KCMF1: variants seen among roughly 807,000 people sequenced by gnomAD.
KCMF1 encodes the protein potassium channel modulatory factor 1.
Under a neutral mutation model 41.1 loss-of-function variants are expected in KCMF1, and 3 were observed. The ratio of observed to expected loss-of-function variants is 0.07; its 90% confidence interval spans 0.03 to 0.19. The LOEUF is 0.19. KCMF1 is among the 10% of genes least tolerant of loss of function. The pLI is 1.00. For synonymous variants in KCMF1, 142 were observed against 164.5 expected, an observed-to-expected ratio of 0.86 and a Z score of 1.04; for missense variants, 286 against 488.9, an observed-to-expected ratio of 0.58 and a Z score of 3.91.
intron 1 of KCMF1, among the ~76,000 whole-genome samples, chr2:84,973,825 C>CTTTTTTTTTTTTTTTTTTTTTT (rs1238178193): frequency 9.1e-4 from 100 of 110,214 alleles, no homozygotes; most frequent in Non-Finnish European, 1.2e-3. Flanking sequence ...TTATTTCTTT[C>CTTTTTTTTTTTTTTTTTTTTTT]TTTTTTTTTT....
chr2:84,973,155 G>C (rs1673446267), intron 1 of KCMF1, among the ~76,000 whole-genome samples: 1 of 152,208 alleles, frequency 6.6e-6, no homozygotes, highest in South Asian at 2.1e-4. Flanking sequence ...AACTGGGAGG[G>C]TTAGTTAGAG....
At chr2:85,036,837 T>C (rs956909615) in intron 3 of KCMF1, among the ~76,000 whole-genome samples, 6 of 148,290 alleles carry the variant, frequency 4.0e-5, no homozygotes, top group African/African-American at 1.5e-4. Flanking sequence ...TATATAAATA[T>C]ATTAATAAAT....
chr2:84,991,473 T>C (rs1219405426), intron 1 of KCMF1, among the ~76,000 whole-genome samples: 1 of 152,208 alleles, frequency 6.6e-6, no homozygotes, highest in Non-Finnish European at 1.5e-5. Context: ...TTATGTTGCC[T>C]TTCTCTCTAG....
At chr2:84,973,055 A>G (rs1673444250) in intron 1 of KCMF1, among the ~76,000 whole-genome samples, 1 of 152,240 alleles carries the variant, frequency 6.6e-6, no homozygotes, top group African/African-American at 2.4e-5. Flanking sequence ...GGGATATTAA[A>G]GTTTATCTTA....
At chr2:84,982,044 A>G (rs145636872) in intron 1 of KCMF1, among the ~76,000 whole-genome samples, 37 of 152,196 alleles carry the variant, frequency 2.4e-4, no homozygotes, top group African/African-American at 7.5e-4. Context: ...CTGCCTCCCA[A>G]TGTGCTGGGA....
At chr2:85,025,876 CAG>C (rs1447079927) in intron 1 of KCMF1, among the ~76,000 whole-genome samples, 1 of 152,170 alleles carries the variant, frequency 6.6e-6, no homozygotes, top group Non-Finnish European at 1.5e-5. Context: ...CTCTATCTAA[CAG>C]CTTTGCTTAC....
intron 4 of KCMF1, among the ~76,000 whole-genome samples, chr2:85,045,790 G>A (rs1235065903): frequency 6.6e-6 from 1 of 152,204 alleles, no homozygotes; most frequent in Non-Finnish European, 1.5e-5. Context: ...AACCTTTGAT[G>A]TGCTGAATAT....
At chr2:85,015,153 CAAAAAAAAA>C (rs34773304) in intron 1 of KCMF1, among the ~76,000 whole-genome samples, 3 of 49,038 alleles carry the variant, frequency 6.1e-5, no homozygotes, top group East Asian at 4.9e-4. Context: ...GACTCCATCT[CAAAAAAAAA>C]AAAAAAAAAA....
chr2:85,002,282 C>T (rs914110399), intron 1 of KCMF1, among the ~76,000 whole-genome samples: 1 of 152,150 alleles, frequency 6.6e-6, no homozygotes, highest in African/African-American at 2.4e-5. Context: ...ATGAAATATG[C>T]AGAAACCCTT....
chr2:85,034,587 T>A (rs747845017), intron 2 of KCMF1, among the ~76,000 whole-genome samples: 5 of 152,166 alleles, frequency 3.3e-5, no homozygotes, highest in Non-Finnish European at 7.4e-5. Context: ...CTCATGGGAA[T>A]AAGGATATTA....
rs1338958621 is a variant in KCMF1, at chr2:85,053,226, A to G, written c.963A>G (p.Gln321=). The change falls in exon 7 of 7, where the codon CAA becomes CAG. Residue 321 remains glutamine, a synonymous_variant. Transcript: ENST00000409785. ...GTGCAGACCGCAGCCTGTTTGTCCA[A>G]GAGCTCCTTCTGTCCACTTTAGTGC... The part of the protein sequence containing the change: ...SERADRSLFV[Q]ELLLSTLVRE... 3 of 1,614,052 alleles carry G rather than the reference A, an allele frequency of 1.9e-6. No individual in the cohort carries two copies. Among genetic ancestry groups the G allele is most frequent in the Non-Finnish European group, 1.7e-6 (2 of 1,179,890 alleles).
rs1422187439 is a variant in KCMF1, at chr2:85,046,206, T to A, written c.529T>A (p.Ser177Thr). Residue 177 changes from serine to threonine, a missense_variant, in exon 5 of 7, where the codon TCT (serine) becomes ACT (threonine). Physicochemically the swap from Ser to Thr is moderately conservative, Grantham distance 58. This residue lies in a region of KCMF1 where 191 missense variants were observed against 279.3 expected (regional missense o/e 0.68). Transcript: ENST00000409785. ...ATCAAACATGCACTTTACTAGCAGT[T>A]CTACTGGTGGACTTTCTTCTTCTCA... ...RRSNMHFTSS[S>T]TGGLSSSQSS... The A allele has an allele frequency of 6.2e-7, 1 of 1,613,442 alleles. No individual in the cohort carries two copies. The highest frequency in any genetic ancestry group is 8.5e-7 in the Non-Finnish European group (1 of 1,179,586).
chr2:84,995,277 C>T (rs576909067), intron 1 of KCMF1, among the ~76,000 whole-genome samples: 8 of 152,282 alleles, frequency 5.3e-5, no homozygotes, highest in Admixed American at 3.9e-4. Flanking sequence ...ACCTTGGCCT[C>T]CCAAAGTGCT....
intron 1 of KCMF1, among the ~76,000 whole-genome samples, chr2:85,010,966 C>T (rs1674637060): frequency 2.0e-5 from 3 of 151,930 alleles, no homozygotes; most frequent in African/African-American, 4.8e-5. Flanking sequence ...TCCTCAGCCT[C>T]CCGAGTAGCT....
chr2:85,009,744 G>A (rs970952418), intron 1 of KCMF1, among the ~76,000 whole-genome samples: 3 of 151,896 alleles, frequency 2.0e-5, no homozygotes, highest in Non-Finnish European at 2.9e-5. Flanking sequence ...ACTTTATTCC[G>A]TTTTCAACGA....
chr2:85,031,570 T>C (rs1209427935), intron 2 of KCMF1, among the ~76,000 whole-genome samples: 1 of 152,244 alleles, frequency 6.6e-6, no homozygotes, highest in Non-Finnish European at 1.5e-5. Context: ...CTTACATAAG[T>C]GTTCTGAGCA....
Position 85,027,957 on chromosome 2 carries a change from G to A in KCMF1, c.85G>A (p.Asp29Asn). 1 of 1,612,770 alleles carries A rather than the reference G, an allele frequency of 6.2e-7. No homozygotes were observed. The highest frequency in any genetic ancestry group is 8.5e-7 in the Non-Finnish European group (1 of 1,178,986). The change falls in exon 2 of 7, where the codon GAT becomes AAT. Residue 29 changes from aspartate to asparagine, a missense_variant. Transcript: ENST00000409785. The stretch of plus-strand genomic sequence containing the variant: ...CAGATATAAGTGTTTAATTTGCTAC[G>A]ATTACGATCTTTGTGCATCTTGTTA... ...GRRYKCLICY[D>N]YDLCASCYES...
intron 1 of KCMF1, among the ~76,000 whole-genome samples, chr2:85,019,643 TGC>T (rs1174502365): frequency 6.6e-6 from 1 of 152,100 alleles, no homozygotes; most frequent in Non-Finnish European, 1.5e-5. Context: ...GTAGCATGCC[TGC>T]CACATAGATT....
chr2:84,992,006 C>T (rs1382746605), intron 1 of KCMF1, among the ~76,000 whole-genome samples: 1 of 152,114 alleles, frequency 6.6e-6, no homozygotes, highest in Non-Finnish European at 1.5e-5. Flanking sequence ...TGAAATTTTC[C>T]TGTTTACTCT....
Sources: allele counts gnomAD v4.1 joint callset (sites outside exome capture counted in the v4.1 genomes callset), GRCh38; gene constraint gnomAD v4.1.1; regional missense constraint gnomAD v4.1.1; transcripts MANE v1.5; gene names NCBI Gene and HGNC (gene_info 2026-07-23, HGNC 2026-07-21).